Variants in SEMA6D observed in about 807,000 individuals in gnomAD.
SEMA6D encodes the protein semaphorin-6D.
Under a neutral mutation model 106.6 loss-of-function variants are expected in SEMA6D, and 35 were observed. The observed-to-expected ratio is 0.33, with a 90% confidence interval of 0.25 to 0.44. The LOEUF is 0.44. SEMA6D is among the 20% of genes least tolerant of loss of function. The probability of loss-of-function intolerance (pLI) is 1.00; values close to 1 mark genes in which losing one functional copy is unlikely to be tolerated. For missense variants in SEMA6D, 1,185 were observed against 1,345.9 expected (o/e 0.88, Z 1.87); for synonymous variants, 499 against 487.7 (o/e 1.02, Z -0.31).
chr15:47,203,941 T>C, intron 1 of SEMA6D, among the ~76,000 whole-genome samples: 1 of 152,214 alleles, frequency 6.6e-6, no homozygotes, highest in Non-Finnish European at 1.5e-5. Flanking sequence ...AAAATATCCA[T>C]GGCATAGATA....
chr15:47,574,834 TC>T (rs1428787689), intron 3 of SEMA6D, among the ~76,000 whole-genome samples: 1 of 152,170 alleles, frequency 6.6e-6, no homozygotes, highest in Non-Finnish European at 1.5e-5. Context: ...TCTCCTCATT[TC>T]CCCACATTAT....
At chr15:47,210,390 G>A (rs1169638677) in intron 1 of SEMA6D, among the ~76,000 whole-genome samples, 1 of 152,026 alleles carries the variant, frequency 6.6e-6, no homozygotes, top group African/African-American at 2.4e-5. Flanking sequence ...TATTTTTTAG[G>A]ATAGGTATAC....
intron 4 of SEMA6D, among the ~76,000 whole-genome samples, chr15:47,704,702 G>T (rs2078879449): frequency 1.3e-5 from 2 of 150,424 alleles, no homozygotes; most frequent in Non-Finnish European, 3.0e-5. Context: ...CTGGGCAACA[G>T]AGCCAGACCC....
chr15:47,524,561 G>T (rs1413959427), intron 3 of SEMA6D, among the ~76,000 whole-genome samples: 2 of 152,172 alleles, frequency 1.3e-5, no homozygotes, highest in African/African-American at 2.4e-5. Context: ...CAAATAGAAA[G>T]CTTGCTGTAG....
intron 3 of SEMA6D, among the ~76,000 whole-genome samples, chr15:47,504,102 C>T (rs993453403): frequency 6.6e-6 from 1 of 152,236 alleles, no homozygotes; most frequent in Non-Finnish European, 1.5e-5. Context: ...CTGGTGGCCT[C>T]TTCTTGGAAG....
intron 1 of SEMA6D, among the ~76,000 whole-genome samples, chr15:47,754,764 C>A (rs189196537): frequency 1.9e-4 from 29 of 150,828 alleles, no homozygotes; most frequent in Non-Finnish European, 3.8e-4. Flanking sequence ...TATGTTAATT[C>A]TTTCACAAAA....
intron 1 of SEMA6D, among the ~76,000 whole-genome samples, chr15:47,273,418 A>G (rs2034650982): frequency 6.6e-6 from 1 of 152,190 alleles, no homozygotes; most frequent in African/African-American, 2.4e-5. Context: ...ATAGAAATCA[A>G]TAGTCTCTGC....
At chr15:47,413,244 C>A (rs1057232499) in intron 2 of SEMA6D, among the ~76,000 whole-genome samples, 1 of 151,936 alleles carries the variant, frequency 6.6e-6, no homozygotes, top group Non-Finnish European at 1.5e-5. Context: ...AAAGAGAGCA[C>A]CATCTCTGGA....
At chr15:47,504,508 A>T (rs1344984317) in intron 3 of SEMA6D, among the ~76,000 whole-genome samples, 1 of 152,160 alleles carries the variant, frequency 6.6e-6, no homozygotes, top group Non-Finnish European at 1.5e-5. Flanking sequence ...AAAGCAGGAG[A>T]TCCAGGGAGC....
chr15:47,195,813 G>A (rs73397041), intron 1 of SEMA6D, among the ~76,000 whole-genome samples: 2 of 152,212 alleles, frequency 1.3e-5, no homozygotes, highest in East Asian at 1.9e-4. Context: ...GGGTGGACAC[G>A]ATGTCTTGTT....
chr15:47,365,735 C>G (rs1380584737), intron 1 of SEMA6D, among the ~76,000 whole-genome samples: 1 of 151,894 alleles, frequency 6.6e-6, no homozygotes, highest in Non-Finnish European at 1.5e-5. Context: ...GTGGCAGGTG[C>G]CTGTAATCCC....
At chr15:47,537,753 GTA>G (rs2045218123) in intron 3 of SEMA6D, among the ~76,000 whole-genome samples, 1 of 152,100 alleles carries the variant, frequency 6.6e-6, no homozygotes, top group African/African-American at 2.4e-5. Context: ...AAGGAAGGAA[GTA>G]ATCAAGGATA....
At chr15:47,661,858 A>C (rs1371715741) in intron 4 of SEMA6D, among the ~76,000 whole-genome samples, 1 of 152,232 alleles carries the variant, frequency 6.6e-6, no homozygotes, top group East Asian at 1.9e-4. Flanking sequence ...CAGTTATTCA[A>C]ACACTCTTAT....
intron 4 of SEMA6D, among the ~76,000 whole-genome samples, chr15:47,637,553 C>T (rs1197327798): frequency 6.6e-6 from 1 of 152,218 alleles, no homozygotes; most frequent in African/African-American, 2.4e-5. Context: ...CACTAACCTT[C>T]TGTGCTCAGC....
At chr15:47,475,366 T>G (rs2042974646) in intron 3 of SEMA6D, among the ~76,000 whole-genome samples, 1 of 152,222 alleles carries the variant, frequency 6.6e-6, no homozygotes, top group Non-Finnish European at 1.5e-5. Flanking sequence ...TAGCTAAATC[T>G]TGTCACAGAA....
chr15:47,757,464 T>A (rs1018678951), intron 1 of SEMA6D, among the ~76,000 whole-genome samples: 9 of 152,112 alleles, frequency 5.9e-5, no homozygotes, highest in Admixed American at 5.2e-4. Flanking sequence ...ATCAGAATAG[T>A]ATGGAAAAGC....
intron 1 of SEMA6D, among the ~76,000 whole-genome samples, chr15:47,390,426 G>C (rs1405597348): frequency 6.6e-6 from 1 of 152,126 alleles, no homozygotes; most frequent in Non-Finnish European, 1.5e-5. Context: ...ACATGGCCAG[G>C]TCCAACATCA....
intron 1 of SEMA6D, among the ~76,000 whole-genome samples, chr15:47,327,810 A>G (rs904435720): frequency 3.3e-5 from 5 of 152,184 alleles, no homozygotes; most frequent in African/African-American, 4.8e-5. Context: ...TTTGCAGGCA[A>G]GCTAAGACCT....
intron 1 of SEMA6D, among the ~76,000 whole-genome samples, chr15:47,208,887 A>T (rs1404318579): frequency 6.6e-6 from 1 of 152,016 alleles, no homozygotes; most frequent in East Asian, 1.9e-4. Context: ...AGAGTCCCTC[A>T]TACTGCCTGT....
Sources: gnomAD v4.1 joint callset for allele counts (sites outside exome capture counted in the v4.1 genomes callset) on GRCh38, gnomAD v4.1.1 for gene constraint, MANE v1.5 for transcripts, NCBI Gene and HGNC (gene_info 2026-07-23, HGNC 2026-07-21) for gene names.